Variants in IPO4 observed in about 807,000 individuals in gnomAD.
IPO4 encodes importin-4.
In IPO4, 91 loss-of-function variants were observed where a neutral mutation model predicts 133.5. The observed-to-expected ratio is 0.68, with a 90% CI of 0.58 to 0.81. IPO4 has a LOEUF of 0.81. Among genes scored for constraint, IPO4 ranks in the 30% least tolerant of loss-of-function variants. The probability of loss-of-function intolerance (pLI) is 0.00; values close to 1 mark genes in which losing one functional copy is unlikely to be tolerated. For missense variants in IPO4, 1,279 were observed against 1,386.2 expected (o/e 0.92, Z 1.23); for synonymous variants, 607 against 581.6 (o/e 1.04, Z -0.63).
In IPO4 at chr14:24,188,238, T is replaced by C. The variant is rs1284203033; in HGVS notation, c.256A>G (p.Thr86Ala). 1 of 1,613,584 alleles carries C rather than the reference T, an allele frequency of 6.2e-7. No homozygotes were observed. Among genetic ancestry groups the C allele is most frequent in the Non-Finnish European group, 8.5e-7 (1 of 1,179,808 alleles). Residue 86 changes from threonine to alanine, a missense_variant, in exon 4 of 30, where the codon ACG becomes GCG. This residue lies in a region of IPO4 where 695 missense variants were observed against 704.1 expected (regional missense o/e 0.99). Coordinates refer to ENST00000354464, the MANE Select transcript of IPO4 (RefSeq NM_024658.4). Reference protein sequence around the residue: ...QRESLKSLILTALQRETEHCV... With the variant: ...QRESLKSLILAALQRETEHCV... ...TACTCTGTTTCTCTCTGCAGGGCCG[T>C]CAGGATCAGGGACTTGAGGCTGGAA...
At position 24,182,138 on chromosome 14, in the gene IPO4, T is replaced by C; in HGVS notation, c.2624A>G (p.Lys875Arg). The change falls in exon 26 of 30, where the codon AAG (lysine) becomes AGG (arginine). Residue 875 changes from lysine to arginine, a missense_variant. This residue lies in a region of IPO4 where 575 missense variants were observed against 653.4 expected (regional missense o/e 0.88). Transcript: ENST00000354464. ...TGCCAAGGTCCCCACTGCAAAGGACTTCTCTGCCACTGTGCAGCCCTGTTT... is the reference window on the plus strand; with the variant it reads ...TGCCAAGGTCCCCACTGCAAAGGACCTCTCTGCCACTGTGCAGCCCTGTTT... ...KTKQGCTVAE[K>R]SFAVGTLAET... is the part of the protein sequence containing the mutation. 1 of 1,614,066 alleles carries C rather than the reference T, an allele frequency of 6.2e-7. No individual in the cohort carries two copies. The highest frequency in any genetic ancestry group is 2.2e-5 in the East Asian group (1 of 44,880).
At chr14:24,184,603 A>G (rs2039191344) in intron 16 of IPO4, 47 bp downstream of exon 16, 2 of 1,475,986 alleles carry the variant, frequency 1.4e-6, no homozygotes, top group Non-Finnish European at 1.8e-6. Context: ...GGTGAGCACC[A>G]GCCCTTTGCT....
In IPO4 at chr14:24,185,796, GT is replaced by G. The variant is rs1485265301; in HGVS notation, c.1169+64del. 2.0e-5 allele frequency: 25 copies of G among 1,263,080 alleles called. No homozygotes were observed. The Admixed American group carries it at 4.2e-4, about 21-fold the overall frequency. The allele number at this position is 1,263,080 out of a possible 1,614,324, so 78.2% of individuals were successfully genotyped here. A position where few individuals can be genotyped will look rare whatever the true frequency, so the allele number is the denominator to read the frequency against. The stretch of plus-strand genomic sequence containing the variant: ...TGATAAATAAGCTTGAACAACAAGC[GT>G]AAACCAGGACAGCCATGGTCCTCCC... On this transcript the variant is annotated intron_variant, in intron 12 of 29. Transcript: ENST00000354464.
At position 24,184,994 on chromosome 14, in the gene IPO4, T is replaced by A. The variant is rs1212305860; in HGVS notation, c.1409-14A>T. 15 of 1,611,942 alleles carry A rather than the reference T, an allele frequency of 9.3e-6. No individual in the cohort carries two copies. Among genetic ancestry groups the A allele is most frequent in the African/African-American group, 1.3e-5 (1 of 74,988 alleles). Reference sequence around the variant, plus strand: ...GCACCTTGGGCCCTGTGGGAAAGGATGCTCCTCTACCAACCAACCCAGGTC... The same window carrying A: ...GCACCTTGGGCCCTGTGGGAAAGGAAGCTCCTCTACCAACCAACCCAGGTC... On this transcript the variant is annotated splice_polypyrimidine_tract_variant and intron_variant, in intron 14 of 29. Transcript: ENST00000354464.
chr14:24,187,758 G>A lies in IPO4; in HGVS notation c.317C>T (p.Thr106Ile), dbSNP rs200355115. The change falls in exon 5 of 30, where the codon ACC (threonine) becomes ATC (isoleucine). Residue 106 changes from threonine to isoleucine, a missense_variant. By Grantham distance (89) the Thr-to-Ile change is moderately conservative. Transcript: ENST00000354464. Reference protein sequence around the residue: ...VSLSLAQLSATIFRKEGLEAW... With the variant: ...VSLSLAQLSAIIFRKEGLEAW... ...CTCCAAGCCTTCCTTTCGAAAAATG[G>A]TGGCTGAGAGCTGGGCCAGGCTGAG... is the stretch of plus-strand genomic sequence containing the variant. The A allele has an allele frequency of 6.2e-7, 1 of 1,614,206 alleles. No homozygotes were observed. The highest frequency in any genetic ancestry group is 8.5e-7 in the Non-Finnish European group (1 of 1,180,034).
Position 24,180,809 on chromosome 14 carries a change from T to C in IPO4, c.3046-51A>G, listed in dbSNP as rs776409339. On this transcript the variant is annotated intron_variant, in intron 28 of 29. Transcript: ENST00000354464. Reference sequence around the variant, plus strand: ...GGGCAGCAGCCCCAGACCCCAGGTCTAGGAGGGTGGTCAGGACCAAGGAGT... The same window carrying C: ...GGGCAGCAGCCCCAGACCCCAGGTCCAGGAGGGTGGTCAGGACCAAGGAGT... 3 of 1,567,218 alleles carry C rather than the reference T, an allele frequency of 1.9e-6. No individual in the cohort carries two copies. The Admixed American group carries it at 5.2e-5, about 27-fold the overall frequency.
In IPO4 at chr14:24,180,756, A is replaced by G. The variant is rs748316194; in HGVS notation, c.3048T>C (p.Val1016=). Residue 1016 remains valine (V), a splice_region_variant and synonymous_variant, in exon 29 of 30, where the codon GTT becomes GTC. Coordinates refer to ENST00000354464, the MANE Select transcript of IPO4 (RefSeq NM_024658.4). Reference sequence around the variant, plus strand: ...GCAGAAGCTCGGGAGCCACATCTATAACCTGTGAGGAAAGAGTGGCTGACT... The same window carrying G: ...GCAGAAGCTCGGGAGCCACATCTATGACCTGTGAGGAAAGAGTGGCTGACT... ...SFLYQSSPDQ[V]IDVAPELLRI... The G allele has an allele frequency of 4.3e-6, 7 of 1,613,626 alleles. No individual in the cohort carries two copies. The African/African-American group carries it at 9.3e-5, about 22-fold the overall frequency.
Position 24,188,585 on chromosome 14 carries a change from G to C in IPO4, c.123C>G (p.Leu41=). The C allele has an allele frequency of 6.2e-7, 1 of 1,613,370 alleles. No homozygotes were observed. The highest frequency in any genetic ancestry group is 8.5e-7 in the Non-Finnish European group (1 of 1,179,818). ...VLRAPAALPA[L]CDLLASAADP... is the part of the protein sequence containing the mutation. ...CGGCCGCCGAGGCTAGCAGGTCGCA[G>C]AGAGCCGGCAAAGCGGCGGGGGCCC... The change falls in exon 2 of 30, where the codon CTC becomes CTG. Residue 41 remains leucine (L), a synonymous_variant. Coordinates refer to ENST00000354464, the MANE Select transcript of IPO4 (RefSeq NM_024658.4).
intron 28 of IPO4, 58 bp from the exon 29 acceptor site, chr14:24,180,816 G>C (rs1427348930): frequency 6.5e-7 from 1 of 1,531,832 alleles, no homozygotes; most frequent in African/African-American, 1.4e-5. Context: ...GTCTAGGAGG[G>C]TGGTCAGGAC....
chr14:24,186,307 G>C lies in IPO4; in HGVS notation c.985C>G (p.Pro329Ala), dbSNP rs757986970. Residue 329 changes from proline to alanine, a missense_variant, in exon 10 of 30, where the codon CCC becomes GCC. Around this residue, in one of 3 missense-constraint regions of IPO4, gnomAD observed 695 missense variants for 704.1 expected, o/e 0.99. Transcript: ENST00000354464. ...ELEIELMGET[P>A]KHFAVQVVDM... is the part of the protein sequence containing the mutation. ...CTCACTTGTACAGCGAAATGCTTGGGAGTCTCCCCCATCAGCTCAATCTCC... is the reference window on the plus strand; with the variant it reads ...CTCACTTGTACAGCGAAATGCTTGGCAGTCTCCCCCATCAGCTCAATCTCC... The C allele has an allele frequency of 1.2e-6, 2 of 1,608,354 alleles. No individual in the cohort carries two copies. The highest frequency in any genetic ancestry group is 1.7e-6 in the Non-Finnish European group (2 of 1,176,476).
rs989298770 is a variant in IPO4, at chr14:24,185,385, G to A, written c.1279-73C>T. 1.8e-5 allele frequency: 29 copies of A among 1,612,016 alleles called. No individual in the cohort carries two copies. The African/African-American group carries it at 3.5e-4, about 19-fold the overall frequency. On this transcript the variant is annotated intron_variant, in intron 13 of 29. Transcript: ENST00000354464. ...ACACACAAGAGTGCTGATGGCAGCAGGGATGCTTGAAGAGATGAAAGATGA... is the reference window on the plus strand; with the variant it reads ...ACACACAAGAGTGCTGATGGCAGCAAGGATGCTTGAAGAGATGAAAGATGA...
Position 24,180,674 on chromosome 14 carries a change from G to A in IPO4, c.3115+15C>T, listed in dbSNP as rs1366011428. The A allele has an allele frequency of 1.2e-6, 2 of 1,613,976 alleles. No individual in the cohort carries two copies. The highest frequency in any genetic ancestry group is 1.7e-6 in the Non-Finnish European group (2 of 1,179,974). On this transcript the variant is annotated intron_variant, in intron 29 of 29. Transcript: ENST00000354464. ...CAGCCTCCCGCAAGCCCCTGCCTATGACTCCTACCCTCACCTGGTGGGATC... is the reference window on the plus strand; with the variant it reads ...CAGCCTCCCGCAAGCCCCTGCCTATAACTCCTACCCTCACCTGGTGGGATC...
chr14:24,182,558 C>T, intron 24 of IPO4, 155 bp from the exon 25 acceptor site: 1 of 1,101,856 alleles, frequency 9.1e-7, no homozygotes, highest in Non-Finnish European at 1.3e-6. Flanking sequence ...GACCCAGCTT[C>T]TTCCCCTGGC....
At position 24,180,397 on chromosome 14, in the gene IPO4, G is replaced by A; in HGVS notation, c.*45C>T. ...AACTGGGCTGAGAGGTGGTCTTAAG[G>A]CCTGGGCAGGCTCTATTCTCTCTGG... On this transcript the variant is annotated 3_prime_UTR_variant, in exon 30 of 30. Coordinates refer to ENST00000354464, the MANE Select transcript of IPO4 (RefSeq NM_024658.4). The A allele has an allele frequency of 6.3e-7, 1 of 1,585,692 alleles. No individual in the cohort carries two copies.
Position 24,184,122 on chromosome 14 carries a change from G to A in IPO4, c.1758-13C>T, listed in dbSNP as rs2039183405. ...AAATAGGCTGTACCTGGTCAAAGCA[G>A]GCAGAAGAAGCTGTAAGGTCCTGCC... On this transcript the variant is annotated splice_polypyrimidine_tract_variant and intron_variant, in intron 17 of 29. Transcript: ENST00000354464. 6.2e-7 allele frequency: 1 copy of A among 1,609,712 alleles called. No individual in the cohort carries two copies. The highest frequency in any genetic ancestry group is 1.1e-5 in the South Asian group (1 of 90,794).
rs1594442249 is a variant in IPO4 at position 24,186,042 on chromosome 14, C to A, written c.1060-72G>T. The A allele has an allele frequency of 2.5e-6, 4 of 1,597,702 alleles. No individual in the cohort carries two copies. In the East Asian group the frequency reaches 8.9e-5, roughly 36 times the overall value. On this transcript the variant is annotated intron_variant, in intron 11 of 29. Transcript: ENST00000354464. ...CCATTCCTGTGGTAATAGGCCTTCA[C>A]ACCTCCCAGGGTCTAAACGTCGTTG... is the stretch of plus-strand genomic sequence containing the variant.
At chr14:24,185,118 C>T (rs2039200384) in intron 14 of IPO4, 65 bp downstream of exon 14, 1 of 1,601,124 alleles carries the variant, frequency 6.2e-7, no homozygotes, top group Non-Finnish European at 8.5e-7. Flanking sequence ...AGATGCACAT[C>T]CTGTACATTC....
At position 24,181,488 on chromosome 14, in the gene IPO4, T is replaced by C. The variant is rs1200049588; in HGVS notation, c.3045+25A>G. The stretch of plus-strand genomic sequence containing the variant: ...CTGAGTGGAGCGGCACGTTCCCCTC[T>C]GAGGGCTGCCAGCAGCAAGGTTACC... On this transcript the variant is annotated intron_variant, in intron 28 of 29. Coordinates refer to ENST00000354464, the MANE Select transcript of IPO4 (RefSeq NM_024658.4). 1.9e-6 allele frequency: 3 copies of C among 1,546,824 alleles called. No homozygotes were observed. The Admixed American group carries it at 5.9e-5, about 30-fold the overall frequency.
At chr14:24,184,449 G>A in intron 16 of IPO4, 31 bp from the exon 17 acceptor site, 1 of 1,593,600 alleles carries the variant, frequency 6.3e-7, no homozygotes, top group African/African-American at 1.3e-5. Context: ...TTAGCACCAG[G>A]AGGTGGAGGT....
Sources: gnomAD v4.1 joint callset for allele counts on GRCh38, gnomAD v4.1.1 for gene constraint, gnomAD v4.1.1 regional missense constraint, MANE v1.5 for transcripts, NCBI Gene and HGNC (gene_info 2026-07-23, HGNC 2026-07-21) for gene names.